The following CFAP90 variants were observed in gnomAD, a reference collection of about 807,000 sequenced individuals.
The protein encoded by CFAP90 is cilia- and flagella-associated protein 90.
the CFAP90 span, among the ~76,000 whole-genome samples, chr5:7,841,668 C>T: frequency 6.6e-6 from 1 of 152,128 alleles, no homozygotes. Context: ...AGATCACATC[C>T]TTTTCAGGGA....
At chr5:7,843,000 C>T in the CFAP90 span, among the ~76,000 whole-genome samples, 1 of 152,182 alleles carries the variant, frequency 6.6e-6, no homozygotes, top group Non-Finnish European at 1.5e-5. Context: ...CCCACCTTGT[C>T]TAATATGCTA....
chr5:7,834,969 G>A, the CFAP90 span, among the ~76,000 whole-genome samples: 8 of 151,998 alleles, frequency 5.3e-5, no homozygotes, highest in East Asian at 3.9e-4. Flanking sequence ...ACACACACAC[G>A]TACAAGCATA....
chr5:7,835,879 T>C, the CFAP90 span, among the ~76,000 whole-genome samples: 1 of 152,126 alleles, frequency 6.6e-6, no homozygotes, highest in African/African-American at 2.4e-5. Flanking sequence ...AAATACCATA[T>C]AGACTGGGTG....
the CFAP90 span, chr5:7,831,703 T>C: frequency 1.4e-6 from 1 of 724,680 alleles, no homozygotes; most frequent in Non-Finnish European, 2.3e-6. Context: ...CGTGTTCATG[T>C]GTCCCACTGT....
chr5:7,835,452 T>C, the CFAP90 span: 3 of 1,605,144 alleles, frequency 1.9e-6, no homozygotes, highest in Admixed American at 1.7e-5. Context: ...CTGATCATAA[T>C]CTAGGCGCCT....
the CFAP90 span, among the ~76,000 whole-genome samples, chr5:7,848,511 C>T: frequency 2.0e-5 from 3 of 152,170 alleles, no homozygotes; most frequent in African/African-American, 4.8e-5. Context: ...AGTACTGGCA[C>T]CAGAAGTATG....
the CFAP90 span, among the ~76,000 whole-genome samples, chr5:7,833,375 A>C: frequency 7.5e-6 from 1 of 133,526 alleles, no homozygotes; most frequent in South Asian, 2.3e-4. Context: ...ACATATATAC[A>C]CACATAATAT....
At chr5:7,847,910 A>T in the CFAP90 span, among the ~76,000 whole-genome samples, 1 of 152,202 alleles carries the variant, frequency 6.6e-6, no homozygotes, top group Non-Finnish European at 1.5e-5. Flanking sequence ...TCTTATTTAC[A>T]GGATCCCTCA....
the CFAP90 span, among the ~76,000 whole-genome samples, chr5:7,847,590 C>T: frequency 1.3e-5 from 2 of 152,092 alleles, no homozygotes; most frequent in African/African-American, 4.8e-5. Context: ...CTAGGAAAAC[C>T]TTATTTATTA....
the CFAP90 span, chr5:7,831,241 C>T: frequency 6.6e-6 from 1 of 152,296 alleles, no homozygotes; most frequent in Non-Finnish European, 1.5e-5. Context: ...GCCACCCATC[C>T]TTACTAGGGC....
chr5:7,841,117 C>T, the CFAP90 span, among the ~76,000 whole-genome samples: 1 of 151,912 alleles, frequency 6.6e-6, no homozygotes, highest in Non-Finnish European at 1.5e-5. Flanking sequence ...TAATATCCAG[C>T]ATCTACAAGA....
the CFAP90 span, among the ~76,000 whole-genome samples, chr5:7,850,212 G>A: frequency 6.6e-6 from 1 of 151,948 alleles, no homozygotes; most frequent in Admixed American, 6.6e-5. Context: ...TTGGGGCCCA[G>A]GCGCCTTGGC....
At chr5:7,839,122 T>C in the CFAP90 span, among the ~76,000 whole-genome samples, 1 of 152,194 alleles carries the variant, frequency 6.6e-6, no homozygotes, top group Admixed American at 6.5e-5. Context: ...ACTCCCCTTT[T>C]TAAAACCATC....
the CFAP90 span, among the ~76,000 whole-genome samples, chr5:7,843,350 T>C: frequency 7.2e-5 from 11 of 152,250 alleles, no homozygotes; most frequent in African/African-American, 2.7e-4. Context: ...AATACTCAAC[T>C]ATTCTCTTTG....
the CFAP90 span, chr5:7,831,794 T>C: frequency 6.5e-7 from 1 of 1,543,626 alleles, no homozygotes; most frequent in Non-Finnish European, 8.9e-7. Flanking sequence ...CTTCTCGCTG[T>C]GCAAACTTGC....
At chr5:7,831,878 G>T in the CFAP90 span, 16 of 1,613,524 alleles carry the variant, frequency 9.9e-6, no homozygotes, top group Non-Finnish European at 1.3e-5. Flanking sequence ...CCCAAAGCCG[G>T]GTTCCTTGAG....
chr5:7,841,720 C>T, the CFAP90 span, among the ~76,000 whole-genome samples: 1 of 152,102 alleles, frequency 6.6e-6, no homozygotes, highest in Non-Finnish European at 1.5e-5. Context: ...AAAATTAACA[C>T]AGAAACAGAA....
the CFAP90 span, among the ~76,000 whole-genome samples, chr5:7,848,034 T>C: frequency 1.3e-5 from 2 of 152,226 alleles, no homozygotes; most frequent in South Asian, 2.1e-4. Context: ...TTTTTTCCAC[T>C]GTTTATCTCA....
the CFAP90 span, among the ~76,000 whole-genome samples, chr5:7,834,304 G>C: frequency 1.3e-5 from 2 of 151,876 alleles, no homozygotes; most frequent in South Asian, 2.1e-4. Flanking sequence ...AACTTTAAAA[G>C]CTTAAAAAAA....
Sources: gnomAD v4.1 joint callset for allele counts (sites outside exome capture counted in the v4.1 genomes callset) on GRCh38, gnomAD v4.1.1 for gene constraint, MANE v1.5 for transcripts, NCBI Gene and HGNC (gene_info 2026-07-23, HGNC 2026-07-21) for gene names.